WDR37: variants seen among roughly 807,000 people sequenced by gnomAD.
WDR37 encodes WD repeat domain 37, also known as WD repeat-containing protein 37.
A neutral mutation model predicts 62.9 loss-of-function variants in WDR37; 19 were observed. The ratio of observed to expected loss-of-function variants is 0.30; its 90% confidence interval spans 0.21 to 0.44. The LOEUF is 0.44. Among genes scored for constraint, WDR37 ranks in the 20% least tolerant of loss-of-function variants. The pLI is 1.00. For missense variants in WDR37, 474 were observed against 657.6 expected (o/e 0.72, Z 3.05); for synonymous variants, 250 against 260.9 (o/e 0.96, Z 0.40).
intron 6 of WDR37, among the ~76,000 whole-genome samples, chr10:1,085,234 A>AGT (rs1746400263): frequency 6.6e-6 from 1 of 152,094 alleles, no homozygotes. Flanking sequence ...GGGCTCCCAA[A>AGT]GTGTTGGGAT....
chr10:1,090,823 C>T (rs1197927867), intron 7 of WDR37, among the ~76,000 whole-genome samples: 2 of 152,184 alleles, frequency 1.3e-5, no homozygotes, highest in South Asian at 2.1e-4. Flanking sequence ...GAAGGGTAGC[C>T]GTGGCTGGCA....
At chr10:1,068,695 A>G (rs1387860783) in intron 1 of WDR37, among the ~76,000 whole-genome samples, 5 of 152,298 alleles carry the variant, frequency 3.3e-5, no homozygotes, top group Non-Finnish European at 5.9e-5. Flanking sequence ...ACACTCTTAG[A>G]AAAAAACCAC....
intron 13 of WDR37, among the ~76,000 whole-genome samples, chr10:1,126,299 G>T (rs186960707): frequency 5.0e-4 from 75 of 151,356 alleles, no homozygotes; most frequent in Admixed American, 4.1e-3. Flanking sequence ...CCAGCTACTC[G>T]GGAGGCTGAG....
chr10:1,116,568 T>C (rs1046283507), intron 11 of WDR37, among the ~76,000 whole-genome samples: 1 of 152,242 alleles, frequency 6.6e-6, no homozygotes, highest in Non-Finnish European at 1.5e-5. Flanking sequence ...TGTATAGATT[T>C]ATATAAATAC....
intron 11 of WDR37, among the ~76,000 whole-genome samples, chr10:1,107,862 C>T (rs1835074405): frequency 6.6e-6 from 1 of 152,116 alleles, no homozygotes; most frequent in Admixed American, 6.6e-5. Flanking sequence ...GCCCACTTCC[C>T]CTTCACCTAG....
intron 1 of WDR37, among the ~76,000 whole-genome samples, chr10:1,069,383 A>ATTTTTTTTTTTT: frequency 3.6e-5 from 1 of 27,748 alleles, no homozygotes; most frequent in Non-Finnish European, 7.1e-5. Flanking sequence ...ATATATATAT[A>ATTTTTTTTTTTT]TATATATTTT....
In WDR37 at chr10:1,070,474, C is replaced by T. The variant is rs74117702; in HGVS notation, c.-40-1642C>T. 8.8e-3 allele frequency among the ~76,000 whole-genome samples: 1,345 copies of T among 152,122 alleles called. 13 individuals are homozygous for T. Among genetic ancestry groups the T allele is most frequent in the African/African-American group, 0.021 (870 of 41,510 alleles). On this transcript the variant is annotated intron_variant, in intron 1 of 13. Coordinates refer to ENST00000263150, the MANE Select transcript of WDR37 (RefSeq NM_014023.4). The stretch of plus-strand genomic sequence containing the variant: ...ATACTCACATTCATATTTAGAAAGA[C>T]ATTTAGAAGAGATATTTAGAAAAAT...
chr10:1,125,063 G>C, intron 13 of WDR37, 39 bp downstream of exon 13: 1 of 1,606,832 alleles, frequency 6.2e-7, no homozygotes, highest in Non-Finnish European at 8.5e-7. Context: ...GGGCACAGTG[G>C]AGGAGGACGG....
chr10:1,127,728 G>GGGGCGT (rs1835840675), intron 13 of WDR37, among the ~76,000 whole-genome samples: 1 of 152,094 alleles, frequency 6.6e-6, no homozygotes, highest in Admixed American at 6.5e-5. Flanking sequence ...GGAGGCTCAC[G>GGGGCGT]GAGTGTGAGG....
intron 13 of WDR37, among the ~76,000 whole-genome samples, chr10:1,126,399 G>T (rs7101282): frequency 1.4e-5 from 2 of 146,936 alleles, no homozygotes; most frequent in East Asian, 2.0e-4. Context: ...GAGCGAGACT[G>T]TGTCTCAGAA....
chr10:1,127,473 G>A (rs1473923617), intron 13 of WDR37, among the ~76,000 whole-genome samples: 1 of 152,206 alleles, frequency 6.6e-6, no homozygotes, highest in African/African-American at 2.4e-5. Flanking sequence ...GACTTATATT[G>A]TCCTTACTTC....
intron 11 of WDR37, among the ~76,000 whole-genome samples, chr10:1,118,756 AAG>A (rs1199147920): frequency 6.6e-6 from 1 of 152,092 alleles, no homozygotes; most frequent in Non-Finnish European, 1.5e-5. Context: ...GTGTGTGTGT[AAG>A]AGAGGGACAT....
chr10:1,058,963 T>C (rs1833285838), intron 1 of WDR37, among the ~76,000 whole-genome samples: 1 of 152,272 alleles, frequency 6.6e-6, no homozygotes. Context: ...TTAACATTTG[T>C]GAAATTAACC....
intron 9 of WDR37, among the ~76,000 whole-genome samples, chr10:1,101,765 C>T (rs1161094178): frequency 3.9e-5 from 6 of 152,186 alleles, no homozygotes; most frequent in East Asian, 1.9e-4. Flanking sequence ...TTCCTCAGCC[C>T]GGGCGAGCCT....
intron 8 of WDR37, among the ~76,000 whole-genome samples, chr10:1,095,590 G>T (rs1834548518): frequency 6.6e-6 from 1 of 152,190 alleles, no homozygotes; most frequent in Non-Finnish European, 1.5e-5. Context: ...CCCGTGTGTG[G>T]GTGAGAGGTG....
intron 1 of WDR37, among the ~76,000 whole-genome samples, chr10:1,070,686 G>A (rs1833700565): frequency 6.6e-6 from 1 of 152,102 alleles, no homozygotes. Context: ...TCTTGTTTAT[G>A]TTATTAATAA....
chr10:1,079,988 T>C, intron 3 of WDR37, 23 bp from the exon 4 acceptor site: 1 of 1,610,284 alleles, frequency 6.2e-7, no homozygotes. Flanking sequence ...ACTTTAGATT[T>C]TTGAAAACTT....
At chr10:1,058,573 C>A (rs1197034633) in intron 1 of WDR37, among the ~76,000 whole-genome samples, 1 of 152,194 alleles carries the variant, frequency 6.6e-6, no homozygotes, top group Non-Finnish European at 1.5e-5. Flanking sequence ...CTACTGAGAT[C>A]TTTTGAAAAT....
intron 1 of WDR37, among the ~76,000 whole-genome samples, chr10:1,069,482 CTG>C (rs1833666845): frequency 6.8e-6 from 1 of 146,492 alleles, no homozygotes; most frequent in East Asian, 2.0e-4. Context: ...AAGGAAAAAA[CTG>C]TTGATACATG....
Sources: gnomAD v4.1 joint callset for allele counts (sites outside exome capture counted in the v4.1 genomes callset) on GRCh38, gnomAD v4.1.1 for gene constraint, MANE v1.5 for transcripts, NCBI Gene and HGNC (gene_info 2026-07-23, HGNC 2026-07-21) for gene names.